Variants in SLC9D1 observed in about 807,000 individuals in gnomAD.
The protein encoded by SLC9D1 is solute carrier family 9 member D1, also known as putative LAG1-interacting protein.
chr13:113,520,513 A>G, the SLC9D1 span: 3 of 781,706 alleles, frequency 3.8e-6, no homozygotes, highest in Non-Finnish European at 6.0e-6. Flanking sequence ...GTAAAGTGCC[A>G]AAATAATTTG....
At chr13:113,494,831 C>T in the SLC9D1 span, among the ~76,000 whole-genome samples, 1 of 151,988 alleles carries the variant, frequency 6.6e-6, no homozygotes, top group Non-Finnish European at 1.5e-5. Flanking sequence ...AACCCAGTGA[C>T]CTGTGAGGGG....
the SLC9D1 span, among the ~76,000 whole-genome samples, chr13:113,510,041 G>T: frequency 6.6e-6 from 1 of 152,162 alleles, no homozygotes; most frequent in Non-Finnish European, 1.5e-5. Context: ...TATTGTGTGT[G>T]TGCAGCCCTG....
At chr13:113,500,788 A>T in the SLC9D1 span, among the ~76,000 whole-genome samples, 1 of 152,178 alleles carries the variant, frequency 6.6e-6, no homozygotes, top group Non-Finnish European at 1.5e-5. Flanking sequence ...AAACCAAGCC[A>T]GAGAATCTAG....
At chr13:113,495,952 A>T in the SLC9D1 span, 2 of 1,613,852 alleles carry the variant, frequency 1.2e-6, no homozygotes, top group Non-Finnish European at 1.7e-6. Context: ...CTGCAGGGGG[A>T]TTACAAAGAT....
chr13:113,545,497 T>C, the SLC9D1 span, among the ~76,000 whole-genome samples: 1 of 152,242 alleles, frequency 6.6e-6, no homozygotes, highest in Non-Finnish European at 1.5e-5. Context: ...TTCCTGTCTC[T>C]CATTTTCATT....
At chr13:113,549,858 T>A in the SLC9D1 span, 1 of 567,982 alleles carries the variant, frequency 1.8e-6, no homozygotes, top group Non-Finnish European at 3.1e-6. Flanking sequence ...CTATTGTGAG[T>A]TCATCAGTTC....
chr13:113,548,223 G>A, the SLC9D1 span: 14 of 1,492,304 alleles, frequency 9.4e-6, no homozygotes, highest in Admixed American at 8.7e-5. Context: ...CCTGTGGCTC[G>A]TCTGGGTTCT....
chr13:113,512,182 C>G, the SLC9D1 span, among the ~76,000 whole-genome samples: 1,815 of 73,120 alleles, frequency 0.025, no homozygotes, highest in African/African-American at 0.069. Flanking sequence ...ACTGGAGAGG[C>G]AGAGGGCCGG....
the SLC9D1 span, chr13:113,549,860 C>T: frequency 0.17 from 93,092 of 559,766 alleles, 10,896 homozygotes; most frequent in African/African-American, 0.47. Flanking sequence ...ATTGTGAGTT[C>T]ATCAGTTCAT....
At chr13:113,507,438 C>CAA in the SLC9D1 span, among the ~76,000 whole-genome samples, 1 of 152,216 alleles carries the variant, frequency 6.6e-6, no homozygotes, top group African/African-American at 2.4e-5. Context: ...GGTTAGCTTG[C>CAA]ACACCACACT....
chr13:113,520,835 G>T, the SLC9D1 span: 1 of 880,228 alleles, frequency 1.1e-6, no homozygotes, highest in East Asian at 2.5e-5. Context: ...GAGCTCAGAT[G>T]GCTCAGGATT....
chr13:113,545,207 C>G, the SLC9D1 span, among the ~76,000 whole-genome samples: 1 of 152,214 alleles, frequency 6.6e-6, no homozygotes, highest in Non-Finnish European at 1.5e-5. Context: ...GAACCAGGCA[C>G]ATACCTCACA....
the SLC9D1 span, among the ~76,000 whole-genome samples, chr13:113,501,585 G>C: frequency 6.6e-6 from 1 of 152,156 alleles, no homozygotes; most frequent in Non-Finnish European, 1.5e-5. Context: ...CATATTTTCA[G>C]CTTCTCTGGG....
At chr13:113,529,293 CAG>C in the SLC9D1 span, 4 of 152,128 alleles carry the variant, frequency 2.6e-5, no homozygotes, top group African/African-American at 9.7e-5. Context: ...ACTTAAGAAA[CAG>C]AATCGGGCCG....
the SLC9D1 span, chr13:113,500,240 G>A: frequency 1.3e-6 from 1 of 764,292 alleles, no homozygotes; most frequent in Non-Finnish European, 1.9e-6. Context: ...ACAAGGCACA[G>A]CCTTCCTTCT....
chr13:113,526,760 C>T, the SLC9D1 span, among the ~76,000 whole-genome samples: 6 of 152,156 alleles, frequency 3.9e-5, no homozygotes, highest in African/African-American at 9.7e-5. Context: ...TGGCGTCTGC[C>T]GTGGTTTACA....
At chr13:113,545,727 G>C in the SLC9D1 span, 2 of 153,044 alleles carry the variant, frequency 1.3e-5, no homozygotes, top group African/African-American at 4.8e-5. Context: ...GGAGCTTGCA[G>C]CCCAGGGTTG....
chr13:113,535,238 T>C, the SLC9D1 span: 1 of 152,242 alleles, frequency 6.6e-6, no homozygotes, highest in Non-Finnish European at 1.5e-5. This position sits in a 1 kb window ranked among gnomAD's most constrained non-coding sequence, Gnocchi z 4.1. Context: ...TAATTAACTG[T>C]ATAAGTTCTG....
chr13:113,532,822 A>G, the SLC9D1 span, among the ~76,000 whole-genome samples: 1 of 130,744 alleles, frequency 7.6e-6, no homozygotes, highest in African/African-American at 3.0e-5. Context: ...GCTCTGAAGG[A>G]CGCTGCCTCC....
Sources: allele counts gnomAD v4.1 joint callset (sites outside exome capture counted in the v4.1 genomes callset), GRCh38; gene constraint gnomAD v4.1.1; non-coding constraint Gnocchi (gnomAD v3.1); transcripts MANE v1.5; gene names NCBI Gene and HGNC (gene_info 2026-07-23, HGNC 2026-07-21).